The following ORM2 variants were observed in gnomAD, a reference collection of about 807,000 sequenced individuals.
ORM2 encodes the protein orosomucoid 2.
ORM2 carries 19 observed loss-of-function variants against 26.8 expected under a neutral mutation model. The observed-to-expected ratio is 0.71, with a 90% confidence interval of 0.49 to 1.04. ORM2 has a LOEUF of 1.04. ORM2 is among the 50% of genes least tolerant of loss of function. The pLI is 0.00. For synonymous variants in ORM2, 94 were observed against 100.0 expected (o/e 0.94, Z 0.36); for missense variants, 259 against 244.9 (o/e 1.06, Z -0.39).
intron 5 of ORM2, among the ~76,000 whole-genome samples, 198 bp from the exon 6 acceptor site, chr9:114,332,871 A>T (rs1306987568): frequency 1.3e-5 from 2 of 152,158 alleles, no homozygotes; most frequent in East Asian, 1.9e-4. Context: ...CCCATTGTAG[A>T]GGCAAGTAAG....
Position 114,330,416 on chromosome 9 carries a change from C to T in ORM2, c.115-18C>T. 1 of 1,552,616 alleles carries T rather than the reference C, an allele frequency of 6.4e-7. No individual in the cohort carries two copies. On this transcript the variant is annotated intron_variant, in intron 1 of 5. Transcript: ENST00000431067. ...TTCAGCATCAAGCCCCCATCACCAG[C>T]TCCCCCCTTCTCCCCAGATCACTGG...
Position 114,331,834 on chromosome 9 carries a change from C to T in ORM2, c.445C>T (p.Pro149Ser). 1 of 1,613,666 alleles carries T rather than the reference C, an allele frequency of 6.2e-7. No individual in the cohort carries two copies. The highest frequency in any genetic ancestry group is 1.1e-5 in the South Asian group (1 of 91,070). The change falls in exon 5 of 6, where the codon CCA becomes TCA. Residue 149 changes from proline (P) to serine (S), a missense_variant. By Grantham distance (74) the Pro-to-Ser change is moderately conservative. Around this residue, in one of 2 missense-constraint regions of ORM2, gnomAD observed 251 missense variants for 220.5 expected, o/e 1.14. Transcript: ENST00000431067. The part of the protein sequence containing the change: ...NWGLSFYADK[P>S]ETTKEQLGEF... ...CCTTGCTCCCCCTGCAGCTGACAAGCCAGAGACGACCAAGGAGCAACTGGG... is the reference window on the plus strand; with the variant it reads ...CCTTGCTCCCCCTGCAGCTGACAAGTCAGAGACGACCAAGGAGCAACTGGG...
At chr9:114,331,193 G>A (rs953681219) in intron 3 of ORM2, among the ~76,000 whole-genome samples, 2 of 152,116 alleles carry the variant, frequency 1.3e-5, no homozygotes, top group Non-Finnish European at 2.9e-5. Flanking sequence ...AAGCCTGTAT[G>A]TTGGAGAGGT....
chr9:114,330,856 A>C lies in ORM2; in HGVS notation c.322A>C (p.Arg108=), dbSNP rs377242208. ...CCAGCGGGAGAATGGGACCGTCTCC[A>C]GATACGGTGAGGGCCAGCCCTCAGG... is the stretch of plus-strand genomic sequence containing the variant. ...NVQRENGTVS[R]YEGGREHVAH... is the part of the protein sequence containing the mutation. Residue 108 remains arginine, a synonymous_variant, in exon 3 of 6, where the codon AGA becomes CGA. Coordinates refer to ENST00000431067, the MANE Select transcript of ORM2 (RefSeq NM_000608.4). The C allele has an allele frequency of 1.1e-5, 18 of 1,613,254 alleles. No homozygotes were observed. The highest frequency in any genetic ancestry group is 1.5e-5 in the Non-Finnish European group (18 of 1,179,462).
chr9:114,330,554 T>C lies in ORM2; in HGVS notation c.235T>C (p.Phe79Leu), dbSNP rs1365811390. The change falls in exon 2 of 6, where the codon TTT becomes CTT. Residue 79 changes from phenylalanine (F) to leucine (L), a missense_variant. Transcript: ENST00000431067. ...CCCCAACAAGACAGAGGACACGATCTTTCTCAGAGAGTACCAGACCCGGTG... is the reference window on the plus strand; with the variant it reads ...CCCCAACAAGACAGAGGACACGATCCTTCTCAGAGAGTACCAGACCCGGTG... ...FTPNKTEDTI[F>L]LREYQTRQNQ... 1 of 1,612,920 alleles carries C rather than the reference T, an allele frequency of 6.2e-7. No individual in the cohort carries two copies. The highest frequency in any genetic ancestry group is 2.2e-5 in the East Asian group (1 of 44,874).
At chr9:114,330,636 G>A in intron 2 of ORM2, 60 bp downstream of exon 2, 3 of 1,602,626 alleles carry the variant, frequency 1.9e-6, no homozygotes, top group Non-Finnish European at 1.7e-6. Flanking sequence ...ACCTGAGCAA[G>A]TCCCTCCTTC....
chr9:114,332,705 G>T (rs942337951), intron 5 of ORM2, among the ~76,000 whole-genome samples: 1 of 152,128 alleles, frequency 6.6e-6, no homozygotes. Context: ...CCACTGTCTG[G>T]CTAGGGAGCC....
intron 4 of ORM2, 62 bp from the exon 5 acceptor site, chr9:114,331,764 C>T (rs1829857144): frequency 6.3e-7 from 1 of 1,588,526 alleles, no homozygotes; most frequent in African/African-American, 1.4e-5. Flanking sequence ...GAACCCCAGC[C>T]CTCCCTGGCC....
intron 4 of ORM2, 39 bp from the exon 5 acceptor site, chr9:114,331,787 C>A (rs1829857603): frequency 6.2e-7 from 1 of 1,604,884 alleles, no homozygotes; most frequent in Non-Finnish European, 8.5e-7. Context: ...CCGCCGGGCC[C>A]CACCATGTCC....
At chr9:114,332,518 T>C (rs909490681) in intron 5 of ORM2, among the ~76,000 whole-genome samples, 4 of 152,152 alleles carry the variant, frequency 2.6e-5, no homozygotes, top group African/African-American at 9.7e-5. Context: ...TTTTAAAATA[T>C]ATACATGCAG....
At chr9:114,332,202 A>G (rs555899162) in intron 5 of ORM2, among the ~76,000 whole-genome samples, 21 of 151,590 alleles carry the variant, frequency 1.4e-4, no homozygotes, top group Admixed American at 2.6e-4. Context: ...GGGATTGGCA[A>G]TTGGAGGGGA....
intron 3 of ORM2, among the ~76,000 whole-genome samples, chr9:114,331,233 C>T (rs1346953829): frequency 6.6e-6 from 1 of 152,056 alleles, no homozygotes; most frequent in Non-Finnish European, 1.5e-5. Context: ...CCCATCACCG[C>T]AGAGGTGGCA....
chr9:114,331,111 G>A (rs1829843529), intron 3 of ORM2, among the ~76,000 whole-genome samples: 1 of 152,056 alleles, frequency 6.6e-6, no homozygotes, highest in African/African-American at 2.4e-5. Flanking sequence ...AACTAGAATT[G>A]GAACTCCAGG....
chr9:114,330,171 G>A, intron 1 of ORM2, 153 bp downstream of exon 1: 1 of 912,038 alleles, frequency 1.1e-6, no homozygotes, highest in Non-Finnish European at 1.8e-6. Flanking sequence ...CCAGCCCAGG[G>A]GACTCTGGAG....
intron 5 of ORM2, among the ~76,000 whole-genome samples, chr9:114,332,352 G>GCCA: frequency 6.6e-6 from 1 of 152,180 alleles, no homozygotes; most frequent in East Asian, 1.9e-4. Context: ...CTGCAGCACG[G>GCCA]CCACAGTCAC....
chr9:114,330,343 A>G (rs1322437172), intron 1 of ORM2, 91 bp from the exon 2 acceptor site: 1 of 1,450,034 alleles, frequency 6.9e-7, no homozygotes, highest in Non-Finnish European at 9.5e-7. Flanking sequence ...CCATCTGCAA[A>G]ATCAGGGAGA....
In ORM2 at chr9:114,330,460, A is replaced by T. The variant is rs781198476; in HGVS notation, c.141A>T (p.Ala47=). The T allele has an allele frequency of 6.2e-7, 1 of 1,604,072 alleles. No homozygotes were observed. ...DRITGKWFYI[A]SAFRNEEYNK... is the part of the protein sequence containing the mutation. Reference sequence around the variant, plus strand: ...TCACTGGCAAGTGGTTTTATATCGCATCGGCCTTTCGAAACGAGGAGTACA... The same window carrying T: ...TCACTGGCAAGTGGTTTTATATCGCTTCGGCCTTTCGAAACGAGGAGTACA... Residue 47 remains alanine, a synonymous_variant, in exon 2 of 6, where the codon GCA becomes GCT. Coordinates refer to ENST00000431067, the MANE Select transcript of ORM2 (RefSeq NM_000608.4).
At chr9:114,330,063 C>T (rs1246876371) in intron 1 of ORM2, 45 bp downstream of exon 1, 7 of 1,609,984 alleles carry the variant, frequency 4.3e-6, no homozygotes, top group Non-Finnish European at 5.1e-6. Context: ...GGGCAGCTGC[C>T]TCCCTTCTCT....
intron 5 of ORM2, 43 bp downstream of exon 5, chr9:114,331,972 C>T: frequency 6.4e-7 from 1 of 1,553,832 alleles, no homozygotes; most frequent in East Asian, 2.2e-5. Context: ...GTCCATGGCC[C>T]AACTTGGGCA....
Sources: gnomAD v4.1 joint callset for allele counts (sites outside exome capture counted in the v4.1 genomes callset) on GRCh38, gnomAD v4.1.1 for gene constraint, gnomAD v4.1.1 regional missense constraint, MANE v1.5 for transcripts, NCBI Gene and HGNC (gene_info 2026-07-23, HGNC 2026-07-21) for gene names.